NEK7: variants seen among roughly 807,000 people sequenced by gnomAD.
NEK7 encodes the protein NIMA related kinase 7, also known as serine/threonine-protein kinase Nek7.
A neutral mutation model predicts 44.6 loss-of-function variants in NEK7; 18 were observed. The ratio of observed to expected loss-of-function variants is 0.40; its 90% confidence interval spans 0.28 to 0.60. NEK7 has a LOEUF of 0.60. Among genes scored for constraint, NEK7 ranks in the 20% least tolerant of loss-of-function variants. The pLI is 0.38. For synonymous variants in NEK7, 130 were observed against 121.1 expected, an observed-to-expected ratio of 1.07 and a Z score of -0.48; for missense variants, 256 against 366.5, an observed-to-expected ratio of 0.70 and a Z score of 2.46.
At chr1:198,230,386 T>C (rs1666350584) in intron 1 of NEK7, among the ~76,000 whole-genome samples, 1 of 152,038 alleles carries the variant, frequency 6.6e-6, no homozygotes, top group African/African-American at 2.4e-5. Context: ...TATTCAAAAT[T>C]GAATCAATAT....
chr1:198,272,277 T>G (rs761157994), intron 5 of NEK7, among the ~76,000 whole-genome samples: 2 of 151,802 alleles, frequency 1.3e-5, no homozygotes, highest in Non-Finnish European at 2.9e-5. Flanking sequence ...TTGAAGGAGC[T>G]TATTGCTCCT....
At chr1:198,199,532 CT>C (rs142450210) in intron 1 of NEK7, among the ~76,000 whole-genome samples, 6,854 of 149,242 alleles carry the variant, frequency 0.046, 567 homozygotes, top group African/African-American at 0.16. Flanking sequence ...CTATACTATA[CT>C]TTTTTTTTTA....
intron 1 of NEK7, among the ~76,000 whole-genome samples, chr1:198,158,640 G>C (rs1370524869): frequency 6.6e-6 from 1 of 152,250 alleles, no homozygotes; most frequent in African/African-American, 2.4e-5. Flanking sequence ...CAGTAAAACA[G>C]GAGATACAGT....
rs56000027 is a variant in NEK7, at chr1:198,221,099, C to G, written c.-28-11454C>G. 963 of 152,096 alleles carry G rather than the reference C, an allele frequency of 6.3e-3. 11 individuals are homozygous for G. Among genetic ancestry groups the G allele is most frequent in the African/African-American group, 0.022 (920 of 41,524 alleles). The allele number at this position is 152,096 out of a possible 1,614,324, so 9.4% of individuals were successfully genotyped here. On this transcript the variant is annotated intron_variant, in intron 1 of 9. Coordinates refer to ENST00000367385, the MANE Select transcript of NEK7 (RefSeq NM_133494.3). Reference sequence around the variant, plus strand: ...ACTTCTGAAGCTCTATTTGAAATCTCTCTTCAAATTGGTAAGCACATATTT... The same window carrying G: ...ACTTCTGAAGCTCTATTTGAAATCTGTCTTCAAATTGGTAAGCACATATTT...
At chr1:198,238,865 A>C (rs1666609250) in intron 2 of NEK7, among the ~76,000 whole-genome samples, 1 of 152,188 alleles carries the variant, frequency 6.6e-6, no homozygotes, top group Non-Finnish European at 1.5e-5. Context: ...TCATACTTAC[A>C]GTTTTCAAGA....
intron 9 of NEK7, among the ~76,000 whole-genome samples, chr1:198,307,702 G>A (rs999256733): frequency 1.3e-5 from 2 of 152,140 alleles, no homozygotes; most frequent in Non-Finnish European, 2.9e-5. Flanking sequence ...CAATCTCTGA[G>A]TGGAATAAAC....
At chr1:198,195,131 G>A (rs1665194382) in intron 1 of NEK7, among the ~76,000 whole-genome samples, 1 of 152,126 alleles carries the variant, frequency 6.6e-6, no homozygotes, top group South Asian at 2.1e-4. Context: ...AAGGTTTAGT[G>A]GGAAGCTTTT....
At chr1:198,173,837 G>A (rs1664524019) in intron 1 of NEK7, among the ~76,000 whole-genome samples, 2 of 151,972 alleles carry the variant, frequency 1.3e-5, no homozygotes, top group South Asian at 4.1e-4. Flanking sequence ...AGCTTTATCA[G>A]CATAACATTA....
At chr1:198,231,475 T>G (rs1348786342) in intron 1 of NEK7, among the ~76,000 whole-genome samples, 5 of 151,032 alleles carry the variant, frequency 3.3e-5, no homozygotes, top group African/African-American at 1.2e-4. Flanking sequence ...TTGCCTTATA[T>G]CATAAAAAAA....
chr1:198,251,190 G>GTATACTGAACCAGCC (rs920016791), intron 2 of NEK7, among the ~76,000 whole-genome samples: 1 of 151,650 alleles, frequency 6.6e-6, no homozygotes, highest in Non-Finnish European at 1.5e-5. Flanking sequence ...ATTGATTTGC[G>GTATACTGAACCAGCC]TATACTGAAC....
At chr1:198,243,558 G>A (rs1666747228) in intron 2 of NEK7, among the ~76,000 whole-genome samples, 1 of 151,992 alleles carries the variant, frequency 6.6e-6, no homozygotes, top group Non-Finnish European at 1.5e-5. Flanking sequence ...CAGTATTTTT[G>A]GTTACATCAT....
At chr1:198,232,413 CAA>C (rs1666421416) in intron 1 of NEK7, 138 bp from the exon 2 acceptor site, 1 of 480,656 alleles carries the variant, frequency 2.1e-6, no homozygotes, top group African/African-American at 2.0e-5. Context: ...TAGCAAATGG[CAA>C]AAGAGTGTGG....
At position 198,315,160 on chromosome 1, in the gene NEK7, G is replaced by A. The variant is rs918626354; in HGVS notation, c.799-4252G>A. Among the ~76,000 whole-genome samples, 7 of 152,280 alleles carry A rather than the reference G, an allele frequency of 4.6e-5. No homozygotes were observed. The South Asian group carries it at 1.2e-3, about 27-fold the overall frequency. ...GGTGCGCCGTTTTTTTAAGCCCGTC[G>A]GAAAAGCGCAGTATTCAGGTGGGAG... On this transcript the variant is annotated intron_variant, in intron 9 of 9. Coordinates refer to ENST00000367385, the MANE Select transcript of NEK7 (RefSeq NM_133494.3).
chr1:198,161,260 A>G (rs1174838295), intron 1 of NEK7, among the ~76,000 whole-genome samples: 2 of 152,094 alleles, frequency 1.3e-5, no homozygotes, highest in African/African-American at 2.4e-5. Flanking sequence ...TACTTTTTCA[A>G]TCCAGTCTGC....
chr1:198,307,533 A>G (rs907707884), intron 9 of NEK7, among the ~76,000 whole-genome samples: 2 of 152,154 alleles, frequency 1.3e-5, no homozygotes, highest in African/African-American at 4.8e-5. Flanking sequence ...CAAGAATTTC[A>G]TAGGACCCAC....
chr1:198,266,328 G>T lies in NEK7; in HGVS notation c.372+2093G>T, dbSNP rs575364672. The stretch of plus-strand genomic sequence containing the variant: ...AATGATAATAGCTATTGCCAAATTA[G>T]TCCCTTAAATAGTTAGTACCAATTT... On this transcript the variant is annotated intron_variant, in intron 5 of 9. Coordinates refer to ENST00000367385, the MANE Select transcript of NEK7 (RefSeq NM_133494.3). 5.9e-4 allele frequency among the ~76,000 whole-genome samples: 90 copies of T among 152,094 alleles called. 1 individual carries two copies. Among genetic ancestry groups the T allele is most frequent in the African/African-American group, 2.1e-3 (86 of 41,510 alleles).
chr1:198,164,357 A>G (rs1664202798), intron 1 of NEK7, among the ~76,000 whole-genome samples: 1 of 152,206 alleles, frequency 6.6e-6, no homozygotes, highest in Non-Finnish European at 1.5e-5. Flanking sequence ...CAGTTACAGT[A>G]AGAAAAATCC....
chr1:198,277,860 G>C (rs1558091314), intron 5 of NEK7, 101 bp from the exon 6 acceptor site: 3 of 654,216 alleles, frequency 4.6e-6, no homozygotes, highest in Non-Finnish European at 8.1e-6. Flanking sequence ...GATAATGGTA[G>C]ATAAAATTAG....
rs141260149 is a variant in NEK7 at position 198,219,208 on chromosome 1, G to A, written c.-28-13345G>A. ...ATAAAGAAAATATTGGTGTGTGTGT[G>A]TATATATGTTTTATATATATCTATT... On this transcript the variant is annotated intron_variant, in intron 1 of 9. Transcript: ENST00000367385. Among the ~76,000 whole-genome samples the A allele has an allele frequency of 7.3e-5, 11 of 150,944 alleles. No individual in the cohort carries two copies. The East Asian group carries it at 1.7e-3, about 24-fold the overall frequency.
Sources: allele counts gnomAD v4.1 joint callset (sites outside exome capture counted in the v4.1 genomes callset), GRCh38; gene constraint gnomAD v4.1.1; transcripts MANE v1.5; gene names NCBI Gene and HGNC (gene_info 2026-07-23, HGNC 2026-07-21).